The following TLE2 variants were observed in gnomAD, a reference collection of about 807,000 sequenced individuals.
TLE2 encodes the protein transducin-like enhancer protein 2.
Under a neutral mutation model 97.2 loss-of-function variants are expected in TLE2, and 74 were observed. That is an observed-to-expected ratio of 0.76 (90% CI 0.63 to 0.92). TLE2 has a LOEUF of 0.92. TLE2 is among the 40% of genes least tolerant of loss of function. TLE2 has a pLI of 0.00. For synonymous variants in TLE2, 499 were observed against 432.1 expected (o/e 1.15, Z -1.92); for missense variants, 1,038 against 1,008.7 (o/e 1.03, Z -0.39).
intron 1 of TLE2, among the ~76,000 whole-genome samples, chr19:3,041,759 C>T (rs1015139785): frequency 7.9e-5 from 12 of 152,222 alleles, no homozygotes; most frequent in South Asian, 2.1e-4. Context: ...CCAATAAATA[C>T]AGGAATGAAA....
chr19:3,029,139 G>GGGCAGC lies in TLE2; in HGVS notation c.-241_-236dup, dbSNP rs2089996562. ...TGCGCGGGGCGAGCGGGGCGGGCAG[G>GGGCAGC]GGCAGCGGCCGGGGCGGGAGCGCGG... is the stretch of plus-strand genomic sequence containing the variant. On this transcript the variant is annotated 5_prime_UTR_variant, in exon 1 of 20. Coordinates refer to ENST00000262953, the MANE Select transcript of TLE2 (RefSeq NM_003260.5). The GGGCAGC allele has an allele frequency of 9.7e-7, 1 of 1,036,156 alleles. No individual in the cohort carries two copies. Among genetic ancestry groups the GGGCAGC allele is most frequent in the African/African-American group, 1.7e-5 (1 of 58,260 alleles). The allele number at this position is 1,036,156 out of a possible 1,614,324, so 64.2% of individuals were successfully genotyped here.
chr19:3,023,582 G>A (rs950468190), intron 5 of TLE2, among the ~76,000 whole-genome samples: 3 of 152,138 alleles, frequency 2.0e-5, no homozygotes, highest in African/African-American at 7.2e-5. Context: ...TCTGAAGAGA[G>A]AACGTACCAC....
rs1226023756 is a variant in TLE2, at chr19:3,005,778, G to A, written c.1691C>T (p.Ser564Phe). 2.5e-6 allele frequency: 4 copies of A among 1,613,954 alleles called. No homozygotes were observed. Among genetic ancestry groups the A allele is most frequent in the Non-Finnish European group, 3.4e-6 (4 of 1,179,846 alleles). ...CACAATGTTGCCATCGCTGCAGCAG[G>A]AGAAGCAAACCTTGGCGTCGGGGCT... ...AVSPDAKVCFSCCSDGNIVVW... is the reference protein window; with the variant it reads ...AVSPDAKVCFFCCSDGNIVVW... The change falls in exon 16 of 20, where the codon TCC (serine) becomes TTC (phenylalanine). Residue 564 changes from serine to phenylalanine, a missense_variant. Coordinates refer to ENST00000262953, the MANE Select transcript of TLE2 (RefSeq NM_003260.5).
At chr19:3,030,306 C>T (rs2090012822), upstream of TLE2, among the ~76,000 whole-genome samples, 1 of 152,194 alleles carries the variant, frequency 6.6e-6, no homozygotes. Flanking sequence ...AAGTCTCTCC[C>T]ACGGCAAAGG....
At position 2,998,237 on chromosome 19, in the gene TLE2, ATGTGTGTGTG is replaced by A. The variant is rs56398458; in HGVS notation, c.2125-292_2125-283del. On this transcript the variant is annotated intron_variant, in intron 19 of 19. Coordinates refer to ENST00000262953, the MANE Select transcript of TLE2 (RefSeq NM_003260.5). ...AGGCGCCCGCAACCACGCCCGGCCA[ATGTGTGTGTG>A]TGTGTGTGTGTGTGTGTGTGTGTGT... 1.3e-3 allele frequency among the ~76,000 whole-genome samples: 160 copies of A among 121,414 alleles called. 1 individual carries two copies. The highest frequency in any genetic ancestry group is 3.6e-3 in the African/African-American group (101 of 28,270). The allele number at this position is 121,414 out of a possible 152,430, so 79.7% of individuals were successfully genotyped here. A position where few individuals can be genotyped will look rare whatever the true frequency, so the allele number is the denominator to read the frequency against.
chr19:3,000,656 G>A lies in TLE2; in HGVS notation c.2115C>T (p.Ser705=). 6.3e-7 allele frequency: 1 copy of A among 1,587,710 alleles called. No homozygotes were observed. The highest frequency in any genetic ancestry group is 8.6e-7 in the Non-Finnish European group (1 of 1,167,512). The change falls in exon 19 of 20, where the codon AGC becomes AGT. Residue 705 remains serine (S), a synonymous_variant. Coordinates refer to ENST00000262953, the MANE Select transcript of TLE2 (RefSeq NM_003260.5). ...LNAWRTPYGA[S]IFQSKESSSV... ...CCAGACCGCCGAGTACCTGGAAAAT[G>A]CTGGCCCCGTACGGCGTCCTCCAGG...
At chr19:3,017,954 G>T in intron 7 of TLE2, 95 bp from the exon 8 acceptor site, 1 of 1,167,118 alleles carries the variant, frequency 8.6e-7, no homozygotes, top group Non-Finnish European at 1.2e-6. Context: ...AGTTTATAAA[G>T]CCCCCCGCCC....
At chr19:3,031,295 G>C (rs546565801), upstream of TLE2, among the ~76,000 whole-genome samples, 59 of 151,124 alleles carry the variant, frequency 3.9e-4, no homozygotes, top group African/African-American at 1.0e-3. Context: ...AGGTTGGGCA[G>C]CTCTGGGAAG....
Position 3,008,927 on chromosome 19 carries a change from G to C in TLE2, c.1192C>G (p.Pro398Ala). ...GAGACGGATGACCCTCGGAGATGGG[G>C]ATGAGACTCAAATGCCATCTGTGAG... Reference protein sequence around the residue: ...RSPVMAFESHPHLRGSSVSSS... With the variant: ...RSPVMAFESHAHLRGSSVSSS... The change falls in exon 14 of 20, where the codon CCC (proline) becomes GCC (alanine). Residue 398 changes from proline to alanine, a missense_variant. Coordinates refer to ENST00000262953, the MANE Select transcript of TLE2 (RefSeq NM_003260.5). The C allele has an allele frequency of 6.3e-7, 1 of 1,593,016 alleles. No individual in the cohort carries two copies. Among genetic ancestry groups the C allele is most frequent in the South Asian group, 1.1e-5 (1 of 87,202 alleles).
rs1439921768 is a variant in TLE2, at chr19:3,043,641, TAC to T, written c.63+2083_63+2084del. Among the ~76,000 whole-genome samples the T allele has an allele frequency of 7.4e-3, 602 of 81,620 alleles. 4 individuals carry two copies. Among genetic ancestry groups the T allele is most frequent in the African/African-American group, 0.03 (554 of 18,492 alleles). The allele number at this position is 81,620 out of a possible 152,430, so 53.5% of individuals were successfully genotyped here. On this transcript the variant is annotated intron_variant, in intron 1 of 18. Transcript: ENST00000426948. The stretch of plus-strand genomic sequence containing the variant: ...GGTGAAACCCCGTCTCTACTAAAAA[TAC>T]AAAAAAAAAAAAAAAAATTAGCCAG...
Position 2,997,901 on chromosome 19 carries a change from T to A in TLE2, c.2179A>T (p.Ile727Phe). ...TTCTTGTCCCCCGAGCCTGTCACGA[T>A]GTATTTGTTATTTCTGGAGATGTCA... ...SCDISRNNKY[I>F]VTGSGDKKAT... Residue 727 changes from isoleucine (I) to phenylalanine (F), a missense_variant, in exon 20 of 20, where the codon ATC becomes TTC. By Grantham distance (21) the Ile-to-Phe change is conservative. Coordinates refer to ENST00000262953, the MANE Select transcript of TLE2 (RefSeq NM_003260.5). 1 of 1,613,114 alleles carries A rather than the reference T, an allele frequency of 6.2e-7. No homozygotes were observed. The highest frequency in any genetic ancestry group is 8.5e-7 in the Non-Finnish European group (1 of 1,179,624).
intron 5 of TLE2, among the ~76,000 whole-genome samples, chr19:3,022,528 CAAAA>C (rs886306866): frequency 9.8e-6 from 1 of 101,676 alleles, no homozygotes; most frequent in Non-Finnish European, 2.1e-5. Flanking sequence ...GACTCTGTCT[CAAAA>C]AAAAAAAAAA....
upstream of TLE2, among the ~76,000 whole-genome samples, chr19:3,030,078 C>T (rs116278279): frequency 7.2e-5 from 11 of 152,282 alleles, no homozygotes; most frequent in African/African-American, 1.4e-4. Flanking sequence ...GCTGGGATTA[C>T]GGGCGGGAGC....
rs775412872 is a variant in TLE2, at chr19:3,019,232, C to T, written c.550+51G>A. Reference sequence around the variant, plus strand: ...TTTGCTACCCTGGACTGCCAGTCGTCCTCCCCAGCCCCGTCTCCCCAGCCA... The same window carrying T: ...TTTGCTACCCTGGACTGCCAGTCGTTCTCCCCAGCCCCGTCTCCCCAGCCA... On this transcript the variant is annotated intron_variant, in intron 7 of 19. Transcript: ENST00000262953. This position sits in a 1 kb window ranked among gnomAD's most constrained non-coding sequence, Gnocchi z 5.1. The T allele has an allele frequency of 9.4e-5, 145 of 1,539,276 alleles. No homozygotes were observed. The highest frequency in any genetic ancestry group is 1.6e-4 in the Admixed American group (8 of 51,274).
chr19:3,006,449 T>C lies in TLE2; in HGVS notation c.1471A>G (p.Lys491Glu), dbSNP rs2089480598. ...CAGTCGAGCTGGGCCACGGGCGTCT[T>C]GGCCCCAGGCTGGCCCACGTCCCAC... ...KVWDVGQPGA[K>E]TPVAQLDCLN... The change falls in exon 15 of 20, where the codon AAG (lysine) becomes GAG (glutamate). Residue 491 changes from lysine to glutamate, a missense_variant. Transcript: ENST00000262953. The C allele has an allele frequency of 6.2e-7, 1 of 1,610,686 alleles. No homozygotes were observed. The highest frequency in any genetic ancestry group is 8.5e-7 in the Non-Finnish European group (1 of 1,179,586).
At position 2,997,693 on chromosome 19, in the gene TLE2, C is replaced by A. The variant is rs1205849448; in HGVS notation, c.*155G>T. ...CCGAGGTCCCCTGCCCATCGGCCCC[C>A]ACATGCAGCAGGGGAAGGTGTGAAG... On this transcript the variant is annotated 3_prime_UTR_variant, in exon 20 of 20. Transcript: ENST00000262953. 1.7e-6 allele frequency: 1 copy of A among 601,188 alleles called. No individual in the cohort carries two copies. Among genetic ancestry groups the A allele is most frequent in the East Asian group, 2.8e-5 (1 of 35,844 alleles). 37.2% of individuals were successfully genotyped at this position (601,188 alleles called of 1,614,324 possible). A position where few individuals can be genotyped will look rare whatever the true frequency, so the allele number is the denominator to read the frequency against.
chr19:3,000,204 T>G (rs1405683144), intron 19 of TLE2, among the ~76,000 whole-genome samples: 1 of 150,978 alleles, frequency 6.6e-6, no homozygotes, highest in African/African-American at 2.4e-5. Context: ...CTCGAGTAGC[T>G]GGGACTACAG....
intron 5 of TLE2, among the ~76,000 whole-genome samples, chr19:3,023,919 AAAAG>A: frequency 1.9e-5 from 2 of 103,186 alleles, no homozygotes; most frequent in Admixed American, 2.1e-4. Flanking sequence ...AAAGAAAAGA[AAAAG>A]AAAAAAGAAA....
rs2089801917 is a variant in TLE2, at chr19:3,019,873, T to C, written c.295-100A>G. 2.1e-6 allele frequency: 3 copies of C among 1,431,976 alleles called. No homozygotes were observed. The highest frequency in any genetic ancestry group is 2.8e-6 in the Non-Finnish European group (3 of 1,055,118). 88.7% of individuals were successfully genotyped at this position (1,431,976 alleles called of 1,614,324 possible). ...CCTCTCCCCGCCACCCTCTCATCTT[T>C]GCCCCGGTACTTCCCATTTCTCTTT... On this transcript the variant is annotated intron_variant, in intron 5 of 19. Transcript: ENST00000262953. The surrounding 1 kb of genome is among the most constrained non-coding windows in gnomAD (Gnocchi z 5.1).
Sources: allele counts gnomAD v4.1 joint callset (sites outside exome capture counted in the v4.1 genomes callset), GRCh38; gene constraint gnomAD v4.1.1; non-coding constraint Gnocchi (gnomAD v3.1); transcripts MANE v1.5; gene names NCBI Gene and HGNC (gene_info 2026-07-23, HGNC 2026-07-21).